SEMA3A: variants seen among roughly 807,000 people sequenced by gnomAD.
The protein encoded by SEMA3A is semaphorin 3A.
SEMA3A carries 29 observed loss-of-function variants against 97.9 expected under a neutral mutation model. The ratio of observed to expected loss-of-function variants is 0.30; its 90% CI spans 0.22 to 0.40. The LOEUF (loss-of-function observed/expected upper bound fraction) is 0.40. SEMA3A is among the 10% of genes least tolerant of loss of function. The probability of loss-of-function intolerance (pLI) is 1.00; values close to 1 mark genes in which losing one functional copy is unlikely to be tolerated. For synonymous variants in SEMA3A, 321 were observed against 323.7 expected (o/e 0.99, Z 0.09); for missense variants, 763 against 951.3 (o/e 0.80, Z 2.60).
chr7:84,133,100 AC>A (rs1796014878), intron 2 of SEMA3A, among the ~76,000 whole-genome samples: 2 of 152,180 alleles, frequency 1.3e-5, no homozygotes, highest in South Asian at 2.1e-4. Flanking sequence ...CAAATGAATA[AC>A]CAGTATTTTT....
Position 84,011,171 on chromosome 7 carries a change from C to G in SEMA3A, c.925+12G>C, listed in dbSNP as rs573256050. The G allele has an allele frequency of 6.2e-7, 1 of 1,607,934 alleles. No individual in the cohort carries two copies. Among genetic ancestry groups the G allele is most frequent in the Non-Finnish European group, 8.5e-7 (1 of 1,174,492 alleles). On this transcript the variant is annotated intron_variant, in intron 8 of 16. Coordinates refer to ENST00000265362, the MANE Select transcript of SEMA3A (RefSeq NM_006080.3). ...AACAAATATTCTCTATACATAAACA[C>G]TAGCTTCTTACGCAGTTCATCAAAA... is the stretch of plus-strand genomic sequence containing the variant.
intron 1 of SEMA3A, among the ~76,000 whole-genome samples, chr7:84,380,381 TTCA>T (rs1478492028): frequency 6.6e-6 from 1 of 152,148 alleles, no homozygotes; most frequent in African/African-American, 2.4e-5. Context: ...GAACAAAATC[TTCA>T]TGCACAGCAA....
chr7:84,221,845 C>G (rs1798890836), intron 3 of SEMA3A, among the ~76,000 whole-genome samples: 1 of 151,804 alleles, frequency 6.6e-6, no homozygotes, highest in African/African-American at 2.4e-5. Context: ...GCAAGAATTA[C>G]CAAAATGTGA....
chr7:84,086,513 T>C (rs963604276), intron 4 of SEMA3A, among the ~76,000 whole-genome samples: 3 of 52,516 alleles, frequency 5.7e-5, no homozygotes, highest in Non-Finnish European at 1.2e-4. Flanking sequence ...TATTATATTA[T>C]ATTTATATAT....
At chr7:84,388,117 A>T (rs2116164471) in intron 1 of SEMA3A, among the ~76,000 whole-genome samples, 1 of 152,292 alleles carries the variant, frequency 6.6e-6, no homozygotes, top group Non-Finnish European at 1.5e-5. Context: ...ACACACACAC[A>T]ATAAACAGAG....
chr7:84,172,571 G>A (rs188790008), intron 1 of SEMA3A, among the ~76,000 whole-genome samples: 45 of 152,018 alleles, frequency 3.0e-4, no homozygotes, highest in African/African-American at 1.0e-3. Context: ...ACAGGCATCC[G>A]CCACCACGCC....
At chr7:84,059,454 A>G (rs974188149) in intron 5 of SEMA3A, among the ~76,000 whole-genome samples, 2 of 152,150 alleles carry the variant, frequency 1.3e-5, no homozygotes, top group East Asian at 1.9e-4. Flanking sequence ...CAATATGACT[A>G]GAGTTTATTT....
rs1352074942 is a variant in SEMA3A at position 83,958,442 on chromosome 7, C to T, written c.*2929G>A. The T allele has an allele frequency of 6.6e-6, 1 of 152,404 alleles. No individual in the cohort carries two copies. The highest frequency in any genetic ancestry group is 1.5e-5 in the Non-Finnish European group (1 of 67,948). 9.4% of individuals were successfully genotyped at this position (152,404 alleles called of 1,614,324 possible). A position where few individuals can be genotyped will look rare whatever the true frequency, so the allele number is the denominator to read the frequency against. ...TTTTTCTCTCCAGTTTTTCTAGTTC[C>T]CATCTGAAATGCAATGATAAGTAAA... On this transcript the variant is annotated 3_prime_UTR_variant, in exon 17 of 17. Transcript: ENST00000265362.
chr7:84,006,709 A>T (rs1448152984), intron 10 of SEMA3A, among the ~76,000 whole-genome samples: 1 of 152,198 alleles, frequency 6.6e-6, no homozygotes, highest in Non-Finnish European at 1.5e-5. Flanking sequence ...TGGGAGCTAA[A>T]ATGTAATTAT....
Position 84,005,492 on chromosome 7 carries a change from C to T in SEMA3A, c.1207G>A (p.Ala403Thr). The part of the protein sequence containing the change: ...KDLPDDVITF[A>T]RSHPAMYNPV... ...TTGTACATGGCTGGATGACTTCTTG[C>T]AAAGGTTATAACATCATCAGGAAGG... is the stretch of plus-strand genomic sequence containing the variant. Residue 403 changes from alanine to threonine, a missense_variant, in exon 11 of 17, where the codon GCA becomes ACA. Transcript: ENST00000265362. 6.2e-7 allele frequency: 1 copy of T among 1,614,020 alleles called. No homozygotes were observed. Among genetic ancestry groups the T allele is most frequent in the South Asian group, 1.1e-5 (1 of 91,080 alleles).
chr7:84,480,197 T>G (rs907741665), intron 1 of SEMA3A, among the ~76,000 whole-genome samples: 2 of 151,964 alleles, frequency 1.3e-5, no homozygotes, highest in African/African-American at 2.4e-5. Context: ...GGCTCTGGGG[T>G]TTTTTGTTTG....
chr7:84,402,729 C>G (rs1188827520), intron 1 of SEMA3A, among the ~76,000 whole-genome samples: 1 of 151,932 alleles, frequency 6.6e-6, no homozygotes, highest in African/African-American at 2.4e-5. Flanking sequence ...GAATATTATC[C>G]AGCCACAAAA....
At chr7:84,149,822 A>T (rs916634226) in intron 1 of SEMA3A, among the ~76,000 whole-genome samples, 1 of 152,220 alleles carries the variant, frequency 6.6e-6, no homozygotes, top group South Asian at 2.1e-4. Flanking sequence ...AGACACTAGC[A>T]TTAGTTTGAA....
intron 2 of SEMA3A, among the ~76,000 whole-genome samples, chr7:84,325,882 T>C (rs989503206): frequency 3.3e-5 from 5 of 152,168 alleles, no homozygotes; most frequent in African/African-American, 1.2e-4. Flanking sequence ...AAGAGAACAT[T>C]TGTATCCTCT....
At chr7:84,305,683 A>T (rs748547736) in intron 3 of SEMA3A, among the ~76,000 whole-genome samples, 33 of 152,066 alleles carry the variant, frequency 2.2e-4, no homozygotes, top group Non-Finnish European at 3.7e-4. Flanking sequence ...CATTTGAAAC[A>T]GATTTTAATT....
rs553748137 is a variant in SEMA3A at position 84,273,339 on chromosome 7, C to T, written c.-83+33868G>A. 8.5e-5 allele frequency among the ~76,000 whole-genome samples: 13 copies of T among 152,098 alleles called. No homozygotes were observed. In the East Asian group the frequency reaches 2.1e-3, roughly 25 times the overall value. Reference sequence around the variant, plus strand: ...AATGTTTTCTGTGGGACACTAGTCTCCTAGAATATTAATAGATTGTATTCA... The same window carrying T: ...AATGTTTTCTGTGGGACACTAGTCTTCTAGAATATTAATAGATTGTATTCA... On this transcript the variant is annotated intron_variant, in intron 3 of 3. Coordinates refer to the SEMA3A transcript ENST00000424555.
chr7:83,972,739 T>C (rs916912574), intron 15 of SEMA3A, among the ~76,000 whole-genome samples: 5 of 152,142 alleles, frequency 3.3e-5, no homozygotes, highest in African/African-American at 1.2e-4. Flanking sequence ...TGTAGGTGTA[T>C]GAACAGGTGA....
At chr7:84,421,334 A>G (rs1217203380) in intron 1 of SEMA3A, among the ~76,000 whole-genome samples, 1 of 152,052 alleles carries the variant, frequency 6.6e-6, no homozygotes, top group Non-Finnish European at 1.5e-5. Flanking sequence ...AAGTTGTGAG[A>G]GTTTGCCATC....
At chr7:84,426,559 T>C (rs546174938) in intron 1 of SEMA3A, among the ~76,000 whole-genome samples, 1 of 152,282 alleles carries the variant, frequency 6.6e-6, no homozygotes, top group East Asian at 1.9e-4. Context: ...TAGTTTGTTT[T>C]ATAACTTTTA....
Sources: gnomAD v4.1 joint callset for allele counts (sites outside exome capture counted in the v4.1 genomes callset) on GRCh38, gnomAD v4.1.1 for gene constraint, MANE v1.5 for transcripts, NCBI Gene and HGNC (gene_info 2026-07-23, HGNC 2026-07-21) for gene names.